The following CDK14 variants were observed in gnomAD, a reference collection of about 807,000 sequenced individuals.
CDK14 encodes the protein cyclin dependent kinase 14, also known as cyclin-dependent kinase 14.
A neutral mutation model predicts 60.7 loss-of-function variants in CDK14; 34 were observed. The ratio of observed to expected loss-of-function variants is 0.56; its 90% CI spans 0.43 to 0.75. The LOEUF (loss-of-function observed/expected upper bound fraction) is 0.75. Among genes scored for constraint, CDK14 ranks in the 30% least tolerant of loss-of-function variants. The pLI is 0.00. For synonymous variants in CDK14, 197 were observed against 203.7 expected (o/e 0.97, Z 0.28); for missense variants, 482 against 564.1 (o/e 0.85, Z 1.47).
chr7:90,857,466 C>T (rs975590285), intron 5 of CDK14, among the ~76,000 whole-genome samples: 8 of 152,060 alleles, frequency 5.3e-5, no homozygotes, highest in African/African-American at 1.9e-4. Context: ...TAATTTTCAC[C>T]CTTAATTCTA....
intron 5 of CDK14, 51 bp downstream of exon 5, chr7:90,790,703 A>G (rs536492818): frequency 9.9e-6 from 12 of 1,206,478 alleles, no homozygotes; most frequent in African/African-American, 1.5e-5. Flanking sequence ...TGGTCCCCGT[A>G]GCTATTTTAA....
intron 6 of CDK14, among the ~76,000 whole-genome samples, chr7:90,866,233 T>TACACATACACATAC (rs779097069): frequency 7.1e-6 from 1 of 140,292 alleles, no homozygotes; most frequent in Non-Finnish European, 1.6e-5. Context: ...CACATACACA[T>TACACATACACATAC]ACACACACAC....
chr7:91,158,453 G>A (rs1801059135), intron 14 of CDK14, among the ~76,000 whole-genome samples: 2 of 152,036 alleles, frequency 1.3e-5, no homozygotes, highest in Non-Finnish European at 2.9e-5. Flanking sequence ...CGCAGCTCAA[G>A]CGATCTGCCT....
At chr7:91,087,211 C>T (rs1798666324) in intron 12 of CDK14, among the ~76,000 whole-genome samples, 1 of 152,160 alleles carries the variant, frequency 6.6e-6, no homozygotes, top group African/African-American at 2.4e-5. Context: ...CTTTATAATA[C>T]TGGGGCTCAA....
intron 4 of CDK14, among the ~76,000 whole-genome samples, chr7:90,781,591 G>A (rs1467080390): frequency 6.7e-6 from 1 of 148,546 alleles, no homozygotes; most frequent in Non-Finnish European, 1.5e-5. Flanking sequence ...ATTAATTTTT[G>A]TATAAGGTGT....
At chr7:90,717,062 A>G (rs1802274018) in intron 2 of CDK14, among the ~76,000 whole-genome samples, 2 of 152,062 alleles carry the variant, frequency 1.3e-5, no homozygotes, top group African/African-American at 2.4e-5. Context: ...AAAAACTTAT[A>G]CAGACAACTA....
intron 2 of CDK14, among the ~76,000 whole-genome samples, chr7:90,683,462 T>C (rs2157723): frequency 0.4 from 60,205 of 152,070 alleles, 12,471 homozygotes; most frequent in East Asian, 0.67. Context: ...TGCTTCAGCA[T>C]TTCCCCATGG....
At chr7:91,047,333 G>C (rs536232919) in intron 11 of CDK14, among the ~76,000 whole-genome samples, 2 of 152,348 alleles carry the variant, frequency 1.3e-5, no homozygotes, top group African/African-American at 4.8e-5. Context: ...CTAGTTTCTG[G>C]ATTAGAAAAC....
intron 5 of CDK14, among the ~76,000 whole-genome samples, chr7:90,832,471 G>A (rs1358786359): frequency 6.6e-6 from 1 of 152,048 alleles, no homozygotes; most frequent in Non-Finnish European, 1.5e-5. Flanking sequence ...TTTCAGCATG[G>A]AATTTACATT....
intron 14 of CDK14, among the ~76,000 whole-genome samples, chr7:91,132,920 G>A (rs1800161669): frequency 6.6e-6 from 1 of 151,534 alleles, no homozygotes; most frequent in African/African-American, 2.4e-5. Flanking sequence ...ATTACAACAT[G>A]TTTCTTAAAA....
At chr7:90,831,150 T>A (rs1789898554) in intron 5 of CDK14, among the ~76,000 whole-genome samples, 1 of 152,202 alleles carries the variant, frequency 6.6e-6, no homozygotes, top group Non-Finnish European at 1.5e-5. Flanking sequence ...CACTTTTCTG[T>A]ATTAGTTCAT....
intron 2 of CDK14, among the ~76,000 whole-genome samples, chr7:90,681,718 G>A (rs1399958698): frequency 6.6e-6 from 1 of 152,142 alleles, no homozygotes; most frequent in East Asian, 1.9e-4. Context: ...AAATGTAGGA[G>A]AGACAACTCT....
chr7:90,693,554 T>C (rs1219110231), intron 2 of CDK14, among the ~76,000 whole-genome samples: 2 of 152,196 alleles, frequency 1.3e-5, no homozygotes, highest in Non-Finnish European at 2.9e-5. Context: ...AAAAGCTTGT[T>C]CAGGTAAGTA....
At chr7:90,744,885 C>T (rs569248485) in intron 3 of CDK14, among the ~76,000 whole-genome samples, 1 of 151,496 alleles carries the variant, frequency 6.6e-6, no homozygotes, top group South Asian at 2.1e-4. Context: ...GGCGGCTGGC[C>T]GGGCAGAGGG....
chr7:90,619,998 A>G (rs1799734126), intron 2 of CDK14, among the ~76,000 whole-genome samples: 1 of 152,226 alleles, frequency 6.6e-6, no homozygotes, highest in Non-Finnish European at 1.5e-5. Context: ...TCTCGAAACA[A>G]CAACAACAAA....
rs1005855995 is a variant in CDK14, at chr7:90,873,239, G to C, written c.639+9970G>C. On this transcript the variant is annotated intron_variant, in intron 6 of 14. Transcript: ENST00000380050. Reference sequence around the variant, plus strand: ...TAAGGTACAAAAGTTGCCACCTGATGTAAGTACCCAAGATCAGGATGAAGA... The same window carrying C: ...TAAGGTACAAAAGTTGCCACCTGATCTAAGTACCCAAGATCAGGATGAAGA... Among the ~76,000 whole-genome samples the C allele has an allele frequency of 8.3e-4, 127 of 152,124 alleles. 1 individual carries two copies. Among genetic ancestry groups the C allele is most frequent in the African/African-American group, 3.0e-3 (124 of 41,438 alleles).
At chr7:91,136,336 A>G (rs1167875853) in intron 14 of CDK14, among the ~76,000 whole-genome samples, 5 of 152,192 alleles carry the variant, frequency 3.3e-5, no homozygotes, top group Non-Finnish European at 7.3e-5. Context: ...TTAATCATCC[A>G]GATATTTATG....
At chr7:90,899,433 A>C (rs1792432692) in intron 7 of CDK14, 80 bp downstream of exon 7, 1 of 1,068,236 alleles carries the variant, frequency 9.4e-7, no homozygotes, top group Non-Finnish European at 1.3e-6. Flanking sequence ...TCTCTACCAT[A>C]ACATATTTAA....
intron 14 of CDK14, among the ~76,000 whole-genome samples, chr7:91,178,384 T>G (rs1224650850): frequency 7.4e-6 from 1 of 135,562 alleles, no homozygotes; most frequent in Non-Finnish European, 1.6e-5. Context: ...GCATTACCAT[T>G]CAGGACATAG....
Sources: gnomAD v4.1 joint callset for allele counts (sites outside exome capture counted in the v4.1 genomes callset) on GRCh38, gnomAD v4.1.1 for gene constraint, MANE v1.5 for transcripts, NCBI Gene and HGNC (gene_info 2026-07-23, HGNC 2026-07-21) for gene names.